PLXDC2: variants seen among roughly 807,000 people sequenced by gnomAD.
PLXDC2 encodes the protein plexin domain-containing protein 2.
In PLXDC2, 40 loss-of-function variants were observed where a neutral mutation model predicts 68.9. That is an observed-to-expected ratio of 0.58 (90% CI 0.45 to 0.76). PLXDC2 has a LOEUF of 0.76. PLXDC2 is among the 30% of genes least tolerant of loss of function. The pLI, the probability that PLXDC2 is intolerant of heterozygous loss-of-function variation, is 0.00. For missense variants in PLXDC2, 644 were observed against 661.9 expected (o/e 0.97, Z 0.30); for synonymous variants, 243 against 234.2 (o/e 1.04, Z -0.34).
At chr10:19,927,713 C>CAAGAAAAAAAAA (rs1833561725) in intron 1 of PLXDC2, among the ~76,000 whole-genome samples, 1 of 53,142 alleles carries the variant, frequency 1.9e-5, no homozygotes, top group Non-Finnish European at 3.1e-5. Context: ...GGAAAAAAAG[C>CAAGAAAAAAAAA]AAAAAAAAAA....
intron 2 of PLXDC2, among the ~76,000 whole-genome samples, chr10:20,019,808 G>A (rs1589589696): frequency 6.6e-6 from 1 of 151,984 alleles, no homozygotes; most frequent in Admixed American, 6.6e-5. Flanking sequence ...CTAGTCTATG[G>A]TATTTTGCTG....
chr10:20,050,034 T>C (rs1488614074), intron 3 of PLXDC2, among the ~76,000 whole-genome samples: 1 of 151,870 alleles, frequency 6.6e-6, no homozygotes, highest in Non-Finnish European at 1.5e-5. Context: ...TGGAACAGAA[T>C]AGAGAGCCCA....
intron 1 of PLXDC2, among the ~76,000 whole-genome samples, chr10:19,931,316 G>A (rs940639591): frequency 5.3e-5 from 8 of 152,186 alleles, no homozygotes; most frequent in Non-Finnish European, 7.3e-5. Flanking sequence ...TCTGAATGCT[G>A]TGTGGAGGCG....
chr10:19,857,695 A>G (rs772756261), intron 1 of PLXDC2, among the ~76,000 whole-genome samples: 1 of 152,212 alleles, frequency 6.6e-6, no homozygotes, highest in Non-Finnish European at 1.5e-5. Flanking sequence ...GGAAACTAAC[A>G]AAGACATTAG....
At chr10:20,069,431 A>G (rs902782191) in intron 4 of PLXDC2, among the ~76,000 whole-genome samples, 4 of 152,098 alleles carry the variant, frequency 2.6e-5, no homozygotes, top group Non-Finnish European at 5.9e-5. Context: ...CTCAGGTGGG[A>G]GGATCGCTTG....
intron 1 of PLXDC2, among the ~76,000 whole-genome samples, chr10:19,960,495 A>G (rs1834139065): frequency 6.6e-6 from 1 of 152,114 alleles, no homozygotes; most frequent in Non-Finnish European, 1.5e-5. Context: ...ATTTGTGAGG[A>G]TGGGGCCTCT....
chr10:19,971,560 T>C (rs1055498079), intron 1 of PLXDC2, among the ~76,000 whole-genome samples: 6 of 152,028 alleles, frequency 3.9e-5, no homozygotes, highest in Admixed American at 1.3e-4. Flanking sequence ...GATGTAAAGG[T>C]TGGGGTTTGA....
chr10:20,246,823 G>T (rs1258053882), intron 13 of PLXDC2, among the ~76,000 whole-genome samples: 2 of 152,130 alleles, frequency 1.3e-5, no homozygotes, highest in Non-Finnish European at 2.9e-5. Flanking sequence ...ATGTTCACTT[G>T]TTGAGCGAGA....
At chr10:20,039,466 C>T (rs969352797) in intron 2 of PLXDC2, among the ~76,000 whole-genome samples, 1 of 152,218 alleles carries the variant, frequency 6.6e-6, no homozygotes, top group African/African-American at 2.4e-5. Context: ...TCAGCTGTTT[C>T]GCAGAGCAAT....
chr10:20,218,730 A>G (rs1274370817), intron 11 of PLXDC2, among the ~76,000 whole-genome samples: 1 of 152,170 alleles, frequency 6.6e-6, no homozygotes, highest in Admixed American at 6.5e-5. Context: ...AAATAAGGTC[A>G]TAACTATAGG....
chr10:19,965,072 C>T (rs10508605), intron 1 of PLXDC2, among the ~76,000 whole-genome samples: 4 of 152,124 alleles, frequency 2.6e-5, no homozygotes, highest in Non-Finnish European at 5.9e-5. Context: ...ATTCGTTTGG[C>T]CACTTTTCTA....
intron 4 of PLXDC2, among the ~76,000 whole-genome samples, chr10:20,090,884 G>A (rs1020317017): frequency 1.3e-5 from 2 of 152,098 alleles, no homozygotes; most frequent in African/African-American, 2.4e-5. Flanking sequence ...TCATGAATGT[G>A]CTATCCCATT....
rs778536959 is a variant in PLXDC2, at chr10:20,283,823, G to T, written c.*4004G>T. 2 of 152,128 alleles carry T rather than the reference G, an allele frequency of 1.3e-5. No homozygotes were observed. The highest frequency in any genetic ancestry group is 2.9e-5 in the Non-Finnish European group (2 of 68,028). 9.4% of individuals were successfully genotyped at this position (152,128 alleles called of 1,614,324 possible). A position where few individuals can be genotyped will look rare whatever the true frequency, so the allele number is the denominator to read the frequency against. ...ATCACTGTAACACTAAGGAGCTATG[G>T]CATTAAAATATAAAACTATTTGGAA... On this transcript the variant is annotated 3_prime_UTR_variant, in exon 14 of 14. Coordinates refer to ENST00000377252, the MANE Select transcript of PLXDC2 (RefSeq NM_032812.9).
intron 1 of PLXDC2, among the ~76,000 whole-genome samples, chr10:19,876,368 T>G (rs1837632094): frequency 6.6e-6 from 1 of 152,142 alleles, no homozygotes; most frequent in Admixed American, 6.6e-5. Context: ...TTTTGGTTTC[T>G]CAACCCACAT....
chr10:20,256,044 A>G (rs750454236), intron 13 of PLXDC2, among the ~76,000 whole-genome samples: 4 of 152,182 alleles, frequency 2.6e-5, no homozygotes, highest in Admixed American at 6.5e-5. Context: ...TCTAATTAAC[A>G]TAATACTTAA....
chr10:20,032,366 C>T (rs1464749965), intron 2 of PLXDC2, among the ~76,000 whole-genome samples: 1 of 152,096 alleles, frequency 6.6e-6, no homozygotes, highest in Non-Finnish European at 1.5e-5. Flanking sequence ...ATGGTTGTGT[C>T]AAGCACAGTG....
chr10:19,996,865 A>T (rs189061527), intron 1 of PLXDC2, among the ~76,000 whole-genome samples: 3 of 152,244 alleles, frequency 2.0e-5, no homozygotes, highest in African/African-American at 7.2e-5. Context: ...TTCCCCTTAT[A>T]GAACCATCAG....
chr10:19,915,919 G>A (rs1051762505), intron 1 of PLXDC2, among the ~76,000 whole-genome samples: 1 of 151,966 alleles, frequency 6.6e-6, no homozygotes, highest in Non-Finnish European at 1.5e-5. Flanking sequence ...GCAACTTGCT[G>A]AGAGCTTGTT....
At chr10:20,228,183 A>G (rs7070787) in intron 12 of PLXDC2, among the ~76,000 whole-genome samples, 81,479 of 151,996 alleles carry the variant, frequency 0.54, 22,139 homozygotes, top group Middle Eastern at 0.62. Flanking sequence ...AAATATAACC[A>G]TAAGATACAA....
Sources: gnomAD v4.1 joint callset for allele counts (sites outside exome capture counted in the v4.1 genomes callset) on GRCh38, gnomAD v4.1.1 for gene constraint, MANE v1.5 for transcripts, NCBI Gene and HGNC (gene_info 2026-07-23, HGNC 2026-07-21) for gene names.